USP31: variants seen among roughly 807,000 people sequenced by gnomAD.
USP31 encodes the protein ubiquitin carboxyl-terminal hydrolase 31.
In USP31, 44 loss-of-function variants were observed where a neutral mutation model predicts 119.4. The observed-to-expected ratio is 0.37, with a 90% CI of 0.29 to 0.47. The LOEUF (loss-of-function observed/expected upper bound fraction) is 0.47. Among genes scored for constraint, USP31 ranks in the 20% least tolerant of loss-of-function variants. USP31 has a pLI of 0.99. For missense variants in USP31, 1,643 were observed against 1,730.2 expected (o/e 0.95, Z 0.89); for synonymous variants, 749 against 705.6 (o/e 1.06, Z -0.97).
chr16:23,069,680 G>C (rs1900268425), intron 15 of USP31, 64 bp from the exon 16 acceptor site: 2 of 1,516,788 alleles, frequency 1.3e-6, no homozygotes, highest in East Asian at 4.6e-5. Context: ...AACACTGTAA[G>C]ACACTGAAGG....
intron 1 of USP31, among the ~76,000 whole-genome samples, chr16:23,130,932 T>C (rs1284457089): frequency 1.3e-5 from 2 of 152,214 alleles, no homozygotes; most frequent in African/African-American, 4.8e-5. Context: ...CAGGATTCTA[T>C]TCCATTTTAG....
At chr16:23,136,706 T>C (rs984022476) in intron 1 of USP31, among the ~76,000 whole-genome samples, 1 of 149,076 alleles carries the variant, frequency 6.7e-6, no homozygotes, top group Non-Finnish European at 1.5e-5. Context: ...AGAGAGTGAA[T>C]GACAGAGTGG....
intron 1 of USP31, among the ~76,000 whole-genome samples, chr16:23,134,425 A>G (rs1391977485): frequency 6.6e-6 from 1 of 152,192 alleles, no homozygotes; most frequent in Non-Finnish European, 1.5e-5. Flanking sequence ...TTTGTTTTCA[A>G]AACAGCCTTA....
chr16:23,069,465 T>C lies in USP31; in HGVS notation c.2640A>G (p.Pro880=). Residue 880 remains proline, a synonymous_variant, in exon 16 of 16, where the codon CCA becomes CCG. Coordinates refer to ENST00000219689, the MANE Select transcript of USP31 (RefSeq NM_020718.4). ...TTGGCGAATCCCCTGAAAATCGGGATGGAGAATTGGAGCGCATCTGCAGCT... is the reference window on the plus strand; with the variant it reads ...TTGGCGAATCCCCTGAAAATCGGGACGGAGAATTGGAGCGCATCTGCAGCT... The part of the protein sequence containing the change: ...SAKLQMRSNS[P]SRFSGDSPIH... 1.2e-6 allele frequency: 2 copies of C among 1,614,144 alleles called. No individual in the cohort carries two copies. The highest frequency in any genetic ancestry group is 1.7e-6 in the Non-Finnish European group (2 of 1,180,024).
chr16:23,085,447 A>G (rs1018484451), intron 10 of USP31, 138 bp downstream of exon 10: 23 of 759,756 alleles, frequency 3.0e-5, no homozygotes, highest in Admixed American at 5.0e-5. Flanking sequence ...GCTTAAATAA[A>G]GGGTTAACAA....
At chr16:23,139,703 G>T (rs1486125603) in intron 1 of USP31, among the ~76,000 whole-genome samples, 1 of 152,072 alleles carries the variant, frequency 6.6e-6, no homozygotes, top group Non-Finnish European at 1.5e-5. Context: ...GTCCTAAATT[G>T]CACCTGATTT....
At chr16:23,104,773 T>C (rs563669464) in intron 5 of USP31, among the ~76,000 whole-genome samples, 100 of 152,348 alleles carry the variant, frequency 6.6e-4, no homozygotes, top group African/African-American at 2.4e-3. Flanking sequence ...AAGTAAGGAA[T>C]GTTTTTCCAA....
intron 1 of USP31, among the ~76,000 whole-genome samples, chr16:23,133,354 G>A (rs1015198026): frequency 3.9e-5 from 6 of 152,106 alleles, no homozygotes; most frequent in African/African-American, 9.7e-5. Flanking sequence ...GTTGTGCCAC[G>A]TTCCTCTCAG....
At chr16:23,128,967 T>C (rs1902948610) in intron 1 of USP31, among the ~76,000 whole-genome samples, 1 of 152,202 alleles carries the variant, frequency 6.6e-6, no homozygotes, top group South Asian at 2.1e-4. Context: ...TTATAGAAAT[T>C]GAGAGTAAGC....
intron 1 of USP31, among the ~76,000 whole-genome samples, chr16:23,124,705 A>C (rs1902790140): frequency 6.6e-6 from 1 of 152,164 alleles, no homozygotes; most frequent in African/African-American, 2.4e-5. Context: ...CCTAGCCAAC[A>C]TGGTGAAACC....
intron 9 of USP31, among the ~76,000 whole-genome samples, chr16:23,086,588 G>A (rs898326921): frequency 3.9e-5 from 6 of 152,118 alleles, no homozygotes; most frequent in Non-Finnish European, 2.9e-5. Flanking sequence ...TGCAAAGCAC[G>A]CATATAAAAT....
At position 23,080,088 on chromosome 16, in the gene USP31, C is replaced by T; in HGVS notation, c.2034G>A (p.Arg678=). The T allele has an allele frequency of 6.2e-7, 1 of 1,613,372 alleles. No individual in the cohort carries two copies. Among genetic ancestry groups the T allele is most frequent in the Non-Finnish European group, 8.5e-7 (1 of 1,179,642 alleles). The change falls in exon 13 of 16, where the codon AGG becomes AGA. Residue 678 remains arginine, a synonymous_variant. Transcript: ENST00000219689. The stretch of plus-strand genomic sequence containing the variant: ...ATGGCAAACTCCAGCTGCTCTGGCT[C>T]CTCTTAACCACGTGAGGTGTCATGT... ...GLDMTPHVVK[R]SQSSWSLPSH...
chr16:23,089,538 T>C (rs543343070), intron 7 of USP31, among the ~76,000 whole-genome samples: 1 of 152,188 alleles, frequency 6.6e-6, no homozygotes, highest in Non-Finnish European at 1.5e-5. Context: ...AGCATAAATA[T>C]GCATATCAAC....
intron 6 of USP31, among the ~76,000 whole-genome samples, chr16:23,101,209 G>A (rs551468140): frequency 1.1e-4 from 16 of 152,238 alleles, no homozygotes; most frequent in Middle Eastern, 3.4e-3. Flanking sequence ...CCTGAACTAC[G>A]TCAGTGGCAG....
chr16:23,128,385 A>T (rs972447551), intron 1 of USP31, among the ~76,000 whole-genome samples: 4 of 152,198 alleles, frequency 2.6e-5, no homozygotes, highest in Admixed American at 1.3e-4. Flanking sequence ...CAAAAATGGG[A>T]CAATTTTGAG....
intron 1 of USP31, among the ~76,000 whole-genome samples, chr16:23,141,557 T>C (rs1000764597): frequency 6.6e-6 from 1 of 152,128 alleles, no homozygotes; most frequent in Non-Finnish European, 1.5e-5. Context: ...TTTGTACTTT[T>C]TGGAGAGACA....
chr16:23,075,152 A>C (rs1475317610), intron 13 of USP31, among the ~76,000 whole-genome samples: 1 of 152,264 alleles, frequency 6.6e-6, no homozygotes, highest in Non-Finnish European at 1.5e-5. Context: ...AGTTATTTGC[A>C]GCTGAGAACT....
intron 1 of USP31, among the ~76,000 whole-genome samples, chr16:23,144,579 A>G (rs1164820793): frequency 6.6e-6 from 1 of 152,026 alleles, no homozygotes; most frequent in Non-Finnish European, 1.5e-5. Context: ...TCCTGGGTTC[A>G]AGAGATTCTC....
intron 1 of USP31, 125 bp downstream of exon 1, chr16:23,148,513 G>T: frequency 7.7e-7 from 1 of 1,301,584 alleles, no homozygotes; most frequent in Non-Finnish European, 9.9e-7. Context: ...CGACTGCCCA[G>T]ACCACTCGGA....
Sources: gnomAD v4.1 joint callset for allele counts (sites outside exome capture counted in the v4.1 genomes callset) on GRCh38, gnomAD v4.1.1 for gene constraint, MANE v1.5 for transcripts, NCBI Gene and HGNC (gene_info 2026-07-23, HGNC 2026-07-21) for gene names.